Variants in GLYR1 observed in about 807,000 individuals in gnomAD.
GLYR1 encodes cytokine-like nuclear factor N-PAC.
Under a neutral mutation model 72.7 loss-of-function variants are expected in GLYR1, and 21 were observed. That is an observed-to-expected ratio of 0.29 (90% confidence interval 0.20 to 0.42). The LOEUF (loss-of-function observed/expected upper bound fraction) is 0.42, where lower values mean the gene tolerates loss of function less well. GLYR1 is among the 10% of genes least tolerant of loss of function. The pLI is 1.00. For missense variants in GLYR1, 594 were observed against 712.1 expected (o/e 0.83, Z 1.89); for synonymous variants, 392 against 270.2 (o/e 1.45, Z -4.42).
rs925107641 is a variant in GLYR1 at position 4,815,645 on chromosome 16, T to A, written c.907-998A>T. On this transcript the variant is annotated intron_variant, in intron 10 of 15. Transcript: ENST00000321919. ...GACAGATGACTTCCCAATGAGACTA[T>A]GTCACTTCATAAAGATCACCAGCAA... 3.3e-5 allele frequency among the ~76,000 whole-genome samples: 5 copies of A among 152,350 alleles called. No individual in the cohort carries two copies. In the South Asian group the frequency reaches 1.0e-3, roughly 32 times the overall value.
Position 4,817,704 on chromosome 16 carries a change from CAG to C in GLYR1, c.807-9_807-8del, listed in dbSNP as rs1304042064. On this transcript the variant is annotated splice_polypyrimidine_tract_variant and splice_region_variant and intron_variant, in intron 9 of 15. Transcript: ENST00000321919. Reference sequence around the variant, plus strand: ...AAGGCCCAAAAATCCTATCCTGAAACAGAGAGAGACTGATGAGTTCAGGGTGG... The same window carrying C: ...AAGGCCCAAAAATCCTATCCTGAAACAGAGAGACTGATGAGTTCAGGGTGG... The C allele has an allele frequency of 3.9e-6, 6 of 1,553,742 alleles. No individual in the cohort carries two copies. Among genetic ancestry groups the C allele is most frequent in the African/African-American group, 1.4e-5 (1 of 73,718 alleles).
At chr16:4,824,090 GAAATA>G in intron 5 of GLYR1, among the ~76,000 whole-genome samples, 183 bp from the exon 6 acceptor site, 1 of 152,248 alleles carries the variant, frequency 6.6e-6, no homozygotes, top group South Asian at 2.1e-4. Context: ...CTCAATTCTG[GAAATA>G]ATAAAATGTG....
At chr16:4,821,628 T>A (rs747978941) in intron 7 of GLYR1, 31 bp from the exon 8 acceptor site, 3 of 1,605,040 alleles carry the variant, frequency 1.9e-6, no homozygotes, top group African/African-American at 2.7e-5. Context: ...AGACTACTTG[T>A]GCTACTGCAG....
intron 3 of GLYR1, 111 bp from the exon 4 acceptor site, chr16:4,833,023 G>T: frequency 2.1e-6 from 2 of 957,904 alleles, no homozygotes; most frequent in Non-Finnish European, 3.0e-6. Flanking sequence ...ACTGGACTTT[G>T]CAATAGGCCT....
intron 9 of GLYR1, among the ~76,000 whole-genome samples, chr16:4,818,749 A>C (rs1307636562): frequency 6.6e-6 from 1 of 152,130 alleles, no homozygotes. Context: ...TCCCGTTATC[A>C]ACAGAATGGG....
intron 3 of GLYR1, among the ~76,000 whole-genome samples, chr16:4,837,373 G>T (rs1041631402): frequency 6.6e-6 from 1 of 151,856 alleles, no homozygotes; most frequent in African/African-American, 2.4e-5. Flanking sequence ...GGAGGTTGTA[G>T]TGAGTGCAGA....
chr16:4,811,823 C>A, intron 13 of GLYR1, 21 bp from the exon 14 acceptor site: 2 of 1,602,644 alleles, frequency 1.2e-6, no homozygotes, highest in Non-Finnish European at 1.7e-6. Flanking sequence ...TAAAGACTCA[C>A]GGTCACAGCC....
intron 3 of GLYR1, chr16:4,843,856 G>T (rs1054419218): frequency 5.4e-6 from 1 of 185,854 alleles, no homozygotes; most frequent in Non-Finnish European, 1.1e-5. Flanking sequence ...AGCACTTTGG[G>T]AGGCTGAGGG....
intron 11 of GLYR1, 148 bp from the exon 12 acceptor site, chr16:4,813,986 G>A: frequency 1.7e-6 from 1 of 575,440 alleles, no homozygotes; most frequent in Non-Finnish European, 3.0e-6. Flanking sequence ...AAATAAGCAA[G>A]GGATAGAAAA....
intron 5 of GLYR1, among the ~76,000 whole-genome samples, chr16:4,830,074 G>A (rs139418475): frequency 4.6e-5 from 7 of 152,116 alleles, no homozygotes; most frequent in Non-Finnish European, 7.3e-5. Flanking sequence ...AAAGTGCTAG[G>A]ATTACAGGTG....
chr16:4,847,126 C>T (rs1404979641), intron 1 of GLYR1, 102 bp downstream of exon 1: 2 of 1,111,020 alleles, frequency 1.8e-6, no homozygotes, highest in Admixed American at 2.0e-5. Context: ...CTCTCCGCGA[C>T]CTGGAGCGCA....
chr16:4,822,681 G>A (rs762425574), intron 7 of GLYR1, among the ~76,000 whole-genome samples, 194 bp downstream of exon 7: 12 of 152,200 alleles, frequency 7.9e-5, no homozygotes, highest in African/African-American at 2.2e-4. Context: ...GAGCCACCGC[G>A]CCCGGCCTGG....
intron 11 of GLYR1, 51 bp downstream of exon 11, chr16:4,814,486 G>C (rs543977506): frequency 2.1e-6 from 3 of 1,408,126 alleles, no homozygotes; most frequent in Non-Finnish European, 3.0e-6. Context: ...AGGCCAGCCA[G>C]CAATCCTGGC....
At chr16:4,806,829 T>A (rs1027916318) in intron 15 of GLYR1, among the ~76,000 whole-genome samples, 1 of 147,894 alleles carries the variant, frequency 6.8e-6, no homozygotes. Context: ...TGAGATGGAG[T>A]CTTGCTCTGT....
intron 3 of GLYR1, among the ~76,000 whole-genome samples, chr16:4,837,552 A>T (rs777530667): frequency 8.5e-5 from 13 of 152,152 alleles, no homozygotes; most frequent in Admixed American, 1.3e-4. Context: ...CCCGGGGTGA[A>T]GCCGTGAAGC....
intron 3 of GLYR1, among the ~76,000 whole-genome samples, chr16:4,841,137 T>A (rs1017637008): frequency 1.3e-5 from 2 of 152,150 alleles, no homozygotes; most frequent in Non-Finnish European, 2.9e-5. Flanking sequence ...AGAACCTTCG[T>A]CAGTTAGAAA....
chr16:4,820,879 G>A (rs1030906732), intron 9 of GLYR1, among the ~76,000 whole-genome samples: 6 of 152,216 alleles, frequency 3.9e-5, no homozygotes, highest in African/African-American at 1.2e-4. Flanking sequence ...AGGACAGCCA[G>A]CAAGTGCTCA....
intron 5 of GLYR1, among the ~76,000 whole-genome samples, chr16:4,830,894 G>C (rs57827230): frequency 6.6e-6 from 1 of 151,982 alleles, no homozygotes; most frequent in Non-Finnish European, 1.5e-5. Context: ...CTCTCTTCCT[G>C]AAACAAACCC....
chr16:4,841,473 A>AAAG (rs2085547852), intron 3 of GLYR1, among the ~76,000 whole-genome samples: 1 of 150,168 alleles, frequency 6.7e-6, no homozygotes, highest in Non-Finnish European at 1.5e-5. Flanking sequence ...AAAAAAAAAA[A>AAAG]AAAAAAAAAA....
Sources: allele counts gnomAD v4.1 joint callset (sites outside exome capture counted in the v4.1 genomes callset), GRCh38; gene constraint gnomAD v4.1.1; transcripts MANE v1.5; gene names NCBI Gene and HGNC (gene_info 2026-07-23, HGNC 2026-07-21).